The following RAPGEF5 variants were observed in gnomAD, a reference collection of about 807,000 sequenced individuals.
The protein encoded by RAPGEF5 is M-Ras-regulated GEF.
RAPGEF5 carries 65 observed loss-of-function variants against 125.2 expected under a neutral mutation model. That is an observed-to-expected ratio of 0.52 (90% CI 0.43 to 0.64). The LOEUF (loss-of-function observed/expected upper bound fraction) is 0.64. RAPGEF5 is among the 30% of genes least tolerant of loss of function. The pLI is 0.00. For missense variants in RAPGEF5, 958 were observed against 1,048.1 expected (o/e 0.91, Z 1.19); for synonymous variants, 391 against 385.9 (o/e 1.01, Z -0.16).
chr7:22,315,581 A>G, intron 2 of RAPGEF5, 105 bp from the exon 3 acceptor site: 1 of 649,842 alleles, frequency 1.5e-6, no homozygotes, highest in African/African-American at 2.0e-5. Context: ...ATATATATTC[A>G]TATATTTATA....
chr7:22,229,892 T>C (rs1281335903), intron 8 of RAPGEF5, among the ~76,000 whole-genome samples: 1 of 152,242 alleles, frequency 6.6e-6, no homozygotes, highest in Admixed American at 6.5e-5. Context: ...ATCAATCTAC[T>C]GGTTTCATGA....
In RAPGEF5 at chr7:22,232,900, G is replaced by A. The variant is rs977378038; in HGVS notation, c.797-1981C>T. On this transcript the variant is annotated intron_variant, in intron 7 of 25. Coordinates refer to ENST00000665637, the MANE Select transcript of RAPGEF5 (RefSeq NM_012294.5). Reference sequence around the variant, plus strand: ...AAAAGAGAGAAATTCTTCTGTTCACGCTTTGGATAACTAGGATAACTCTGA... The same window carrying A: ...AAAAGAGAGAAATTCTTCTGTTCACACTTTGGATAACTAGGATAACTCTGA... Among the ~76,000 whole-genome samples, 8 of 152,098 alleles carry A rather than the reference G, an allele frequency of 5.3e-5. No individual in the cohort carries two copies. In the East Asian group the frequency reaches 7.7e-4, roughly 15 times the overall value.
chr7:22,140,396 T>C (rs1583401927), intron 20 of RAPGEF5, among the ~76,000 whole-genome samples: 2 of 152,306 alleles, frequency 1.3e-5, no homozygotes, highest in East Asian at 3.9e-4. Flanking sequence ...GCATTTACAA[T>C]TTCAACTGAG....
chr7:22,185,130 T>G (rs1387170313), intron 11 of RAPGEF5, among the ~76,000 whole-genome samples: 1 of 152,220 alleles, frequency 6.6e-6, no homozygotes, highest in Non-Finnish European at 1.5e-5. Flanking sequence ...TCATCCATGA[T>G]TCCAGTCTCT....
At chr7:22,161,583 A>ACAG (rs1784002103) in intron 13 of RAPGEF5, among the ~76,000 whole-genome samples, 3 of 93,890 alleles carry the variant, frequency 3.2e-5, no homozygotes, top group Admixed American at 2.0e-4. Context: ...CACACACACA[A>ACAG]TTCCACATAA....
chr7:22,325,776 C>A (rs922768212), intron 1 of RAPGEF5, among the ~76,000 whole-genome samples: 1 of 152,112 alleles, frequency 6.6e-6, no homozygotes, highest in African/African-American at 2.4e-5. Context: ...GTTGCCCAGG[C>A]TAGTCTCAAA....
At position 22,150,513 on chromosome 7, in the gene RAPGEF5, G is replaced by GAAAA. The variant is rs10668286; in HGVS notation, c.1787-13_1787-10dup. 5.0e-3 allele frequency: 6,745 copies of GAAAA among 1,347,430 alleles called. 9 individuals are homozygous for GAAAA. Among genetic ancestry groups the GAAAA allele is most frequent in the East Asian group, 0.018 (629 of 34,902 alleles). The allele number at this position is 1,347,430 out of a possible 1,614,324, so 83.5% of individuals were successfully genotyped here. A position where few individuals can be genotyped will look rare whatever the true frequency, so the allele number is the denominator to read the frequency against. The stretch of plus-strand genomic sequence containing the variant: ...CTGAAGTTCATGCTTTTCTTTATTT[G>GAAAA]AAAAAAAAAAAAAAAAAAGGAATAA... On this transcript the variant is annotated splice_polypyrimidine_tract_variant and intron_variant, in intron 17 of 25. Transcript: ENST00000665637.
chr7:22,248,530 C>T (rs1324744800), intron 7 of RAPGEF5, among the ~76,000 whole-genome samples: 1 of 152,172 alleles, frequency 6.6e-6, no homozygotes, highest in East Asian at 1.9e-4. Flanking sequence ...ACACCACTTC[C>T]CTGAGGACCA....
At chr7:22,282,268 C>A (rs1782691142) in intron 6 of RAPGEF5, among the ~76,000 whole-genome samples, 1 of 152,022 alleles carries the variant, frequency 6.6e-6, no homozygotes, top group Non-Finnish European at 1.5e-5. Context: ...TATTTTTTTT[C>A]CTCTGAATTC....
intron 5 of RAPGEF5, among the ~76,000 whole-genome samples, chr7:22,300,151 T>G (rs1446363971): frequency 6.6e-6 from 1 of 152,236 alleles, no homozygotes; most frequent in Non-Finnish European, 1.5e-5. Context: ...AGACTATTCA[T>G]CTTCTTCAAT....
chr7:22,353,373 T>A (rs1784363602), intron 1 of RAPGEF5, among the ~76,000 whole-genome samples: 1 of 152,256 alleles, frequency 6.6e-6, no homozygotes, highest in Non-Finnish European at 1.5e-5. Context: ...ATTATATTTT[T>A]AAATTATTAA....
intron 6 of RAPGEF5, among the ~76,000 whole-genome samples, chr7:22,272,862 T>C (rs1302585403): frequency 1.3e-5 from 2 of 152,094 alleles, no homozygotes; most frequent in African/African-American, 4.8e-5. Context: ...GGTCAAGCAA[T>C]CCTCCCACCT....
chr7:22,229,944 T>C (rs991307592), intron 8 of RAPGEF5, among the ~76,000 whole-genome samples: 1 of 152,196 alleles, frequency 6.6e-6, no homozygotes, highest in African/African-American at 2.4e-5. Flanking sequence ...AGTTATATAA[T>C]CATTGCTGAA....
At chr7:22,282,688 C>A (rs1782701349) in intron 6 of RAPGEF5, among the ~76,000 whole-genome samples, 1 of 152,174 alleles carries the variant, frequency 6.6e-6, no homozygotes, top group African/African-American at 2.4e-5. Context: ...ATCAAAATGC[C>A]TGTGCAAGGT....
At chr7:22,129,528 A>C (rs1418787428) in intron 24 of RAPGEF5, among the ~76,000 whole-genome samples, 1 of 152,240 alleles carries the variant, frequency 6.6e-6, no homozygotes, top group Non-Finnish European at 1.5e-5. Context: ...GACAGGGATT[A>C]ACCTGCTTAG....
intron 1 of RAPGEF5, among the ~76,000 whole-genome samples, chr7:22,355,131 AT>A (rs1179779729): frequency 6.6e-6 from 1 of 152,230 alleles, no homozygotes; most frequent in Non-Finnish European, 1.5e-5. Context: ...CAGTTACGAA[AT>A]GTGTTTGGAA....
chr7:22,204,632 T>C (rs1303286081), intron 9 of RAPGEF5, among the ~76,000 whole-genome samples: 1 of 152,184 alleles, frequency 6.6e-6, no homozygotes, highest in Non-Finnish European at 1.5e-5. Flanking sequence ...AACACTCCTG[T>C]TTTTTCATGT....
At chr7:22,309,938 T>C in intron 4 of RAPGEF5, 31 bp downstream of exon 4, 6 of 1,538,680 alleles carry the variant, frequency 3.9e-6, no homozygotes, top group Non-Finnish European at 4.3e-6. Context: ...AATAAAATAA[T>C]GATGCTGTGC....
intron 17 of RAPGEF5, 112 bp downstream of exon 17, chr7:22,154,343 A>G: frequency 8.1e-7 from 1 of 1,239,004 alleles, no homozygotes; most frequent in Non-Finnish European, 1.1e-6. Context: ...GTGGTCATCC[A>G]GCTGCGGGCC....
Sources: allele counts gnomAD v4.1 joint callset (sites outside exome capture counted in the v4.1 genomes callset), GRCh38; gene constraint gnomAD v4.1.1; transcripts MANE v1.5; gene names NCBI Gene and HGNC (gene_info 2026-07-23, HGNC 2026-07-21).